KIRREL3: variants seen among roughly 807,000 people sequenced by gnomAD.
KIRREL3 encodes the protein kirre like nephrin family adhesion molecule 3.
In KIRREL3, 36 loss-of-function variants were observed where a neutral mutation model predicts 89.7. The observed-to-expected ratio is 0.40, with a 90% CI of 0.31 to 0.53. KIRREL3 has a LOEUF of 0.53. KIRREL3 is among the 20% of genes least tolerant of loss of function. KIRREL3 has a pLI of 0.49. For synonymous variants in KIRREL3, 445 were observed against 441.4 expected (o/e 1.01, Z -0.10); for missense variants, 864 against 1,056.6 (o/e 0.82, Z 2.53).
In KIRREL3 at chr11:126,558,843, T is replaced by TG. The variant is rs1397852525; in HGVS notation, c.133+3991dup. Among the ~76,000 whole-genome samples the TG allele has an allele frequency of 6.6e-6, 1 of 152,156 alleles. No individual in the cohort carries two copies. The highest frequency in any genetic ancestry group is 2.4e-5 in the African/African-American group (1 of 41,444). On this transcript the variant is annotated intron_variant, in intron 2 of 16. Transcript: ENST00000525144. This position sits in a 1 kb window ranked among gnomAD's most constrained non-coding sequence, Gnocchi z 4.0. The stretch of plus-strand genomic sequence containing the variant: ...GTGTGTGCACACATGTGGGTGTATG[T>TG]GTGCATGTGTATACATGTGTGCAGG...
chr11:126,935,457 C>A (rs1257033618), intron 1 of KIRREL3: 1 of 152,126 alleles, frequency 6.6e-6, no homozygotes, highest in Non-Finnish European at 1.5e-5. Flanking sequence ...TCACGGTTGC[C>A]AACACTTGGA....
intron 1 of KIRREL3, among the ~76,000 whole-genome samples, chr11:126,866,694 A>G (rs577698803): frequency 6.6e-6 from 1 of 151,738 alleles, no homozygotes; most frequent in South Asian, 2.1e-4. Context: ...CCGAGACCCT[A>G]GCAGGGAGGA....
chr11:126,631,958 T>C (rs899324768), intron 1 of KIRREL3, among the ~76,000 whole-genome samples: 1 of 152,162 alleles, frequency 6.6e-6, no homozygotes, highest in African/African-American at 2.4e-5. Flanking sequence ...AAGGATGGCT[T>C]CCTAGACTCT....
chr11:126,772,100 G>A lies in KIRREL3; in HGVS notation c.56-209188C>T, dbSNP rs559038384. 9.2e-5 allele frequency among the ~76,000 whole-genome samples: 14 copies of A among 152,344 alleles called. No homozygotes were observed. Among genetic ancestry groups the A allele is most frequent in the African/African-American group, 3.4e-4 (14 of 41,592 alleles). On this transcript the variant is annotated intron_variant, in intron 1 of 16. Transcript: ENST00000525144. This position sits in a 1 kb window ranked among gnomAD's most constrained non-coding sequence, Gnocchi z 4.6. ...GTGCCAGCTCATTCTCAGGGCAGAA[G>A]AACCAGTGTAGTCTCTCACTAATGT...
chr11:126,431,118 CCCT>C lies in KIRREL3; in HGVS notation c.1696+298_1696+300del. The C allele has an allele frequency of 7.1e-7, 1 of 1,411,616 alleles. No homozygotes were observed. Among genetic ancestry groups the C allele is most frequent in the East Asian group, 2.6e-5 (1 of 39,188 alleles). The allele number at this position is 1,411,616 out of a possible 1,614,324, so 87.4% of individuals were successfully genotyped here. ...GGATCAAACCACAAACCGCTTTTCCCCCTATCTTTCTGTACAGTTCCTGACTGA... is the reference window on the plus strand; with the variant it reads ...GGATCAAACCACAAACCGCTTTTCCCATCTTTCTGTACAGTTCCTGACTGA... On this transcript the variant is annotated intron_variant, in intron 14 of 16. Transcript: ENST00000525144. This position sits in a 1 kb window ranked among gnomAD's most constrained non-coding sequence, Gnocchi z 7.1.
intron 5 of KIRREL3, among the ~76,000 whole-genome samples, chr11:126,465,667 C>T (rs537698796): frequency 1.3e-4 from 20 of 152,302 alleles, no homozygotes; most frequent in African/African-American, 4.8e-4. Context: ...AGCTGCAGGC[C>T]TGGGACTCAG....
chr11:126,849,628 G>A (rs1043668614), intron 1 of KIRREL3, among the ~76,000 whole-genome samples: 1 of 152,152 alleles, frequency 6.6e-6, no homozygotes, highest in Non-Finnish European at 1.5e-5. Flanking sequence ...GAAGGAGAAA[G>A]GCTTGGGCAA....
At chr11:126,878,776 T>C (rs1201819575) in intron 1 of KIRREL3, among the ~76,000 whole-genome samples, 1 of 152,152 alleles carries the variant, frequency 6.6e-6, no homozygotes, top group Non-Finnish European at 1.5e-5. Flanking sequence ...ACACATTCTG[T>C]TTTTGGATAG....
chr11:126,697,582 C>T lies in KIRREL3; in HGVS notation c.56-134670G>A, dbSNP rs1441169743. 6.6e-6 allele frequency among the ~76,000 whole-genome samples: 1 copy of T among 152,150 alleles called. No homozygotes were observed. The highest frequency in any genetic ancestry group is 1.5e-5 in the Non-Finnish European group (1 of 68,038). On this transcript the variant is annotated intron_variant, in intron 1 of 16. Transcript: ENST00000525144. This position sits in a 1 kb window ranked among gnomAD's most constrained non-coding sequence, Gnocchi z 4.2. Reference sequence around the variant, plus strand: ...ACATGAATAGTGATTAGAGATGAGGCCCCAGGACCTATAGCTTTAGATCCA... The same window carrying T: ...ACATGAATAGTGATTAGAGATGAGGTCCCAGGACCTATAGCTTTAGATCCA...
Position 126,568,914 on chromosome 11 carries a change from T to C in KIRREL3, c.56-6002A>G, listed in dbSNP as rs550732596. 1.5e-4 allele frequency among the ~76,000 whole-genome samples: 23 copies of C among 152,138 alleles called. No homozygotes were observed. The highest frequency in any genetic ancestry group is 2.6e-4 in the Non-Finnish European group (18 of 68,000). ...CAGGGTGATATAATGAGCTATTAGG[T>C]TGCATACTTCCCAGGTTAGCACGTA... On this transcript the variant is annotated intron_variant, in intron 1 of 16. Coordinates refer to ENST00000525144, the MANE Select transcript of KIRREL3 (RefSeq NM_032531.4). This position sits in a 1 kb window ranked among gnomAD's most constrained non-coding sequence, Gnocchi z 4.6.
rs140752839 is a variant in KIRREL3 at position 126,785,100 on chromosome 11, T to C, written c.55+215355A>G. ...GAAGATGAAGTAGGGGAGAATCTTATACTAAACTCTACTGAATCCTCGTGG... is the reference window on the plus strand; with the variant it reads ...GAAGATGAAGTAGGGGAGAATCTTACACTAAACTCTACTGAATCCTCGTGG... On this transcript the variant is annotated intron_variant, in intron 1 of 16. Coordinates refer to ENST00000525144, the MANE Select transcript of KIRREL3 (RefSeq NM_032531.4). Among the ~76,000 whole-genome samples, 273 of 152,262 alleles carry C rather than the reference T, an allele frequency of 1.8e-3. 1 individual carries two copies. The highest frequency in any genetic ancestry group is 6.3e-3 in the African/African-American group (261 of 41,566).
intron 1 of KIRREL3, among the ~76,000 whole-genome samples, chr11:126,720,125 G>A (rs904451343): frequency 6.6e-6 from 1 of 152,118 alleles, no homozygotes; most frequent in African/African-American, 2.4e-5. Context: ...TTTCTTCATT[G>A]AACTTATTGC....
chr11:126,955,366 A>C lies in KIRREL3; in HGVS notation c.55+45089T>G, dbSNP rs945121159. Among the ~76,000 whole-genome samples, 2 of 152,148 alleles carry C rather than the reference A, an allele frequency of 1.3e-5. No homozygotes were observed. Among genetic ancestry groups the C allele is most frequent in the African/African-American group, 4.8e-5 (2 of 41,432 alleles). ...TTTTAATTAATACACTGGGCTCCCT[A>C]ACAAAGGGGAGGAGGTTGGAGAGCA... is the stretch of plus-strand genomic sequence containing the variant. On this transcript the variant is annotated intron_variant, in intron 1 of 16. Transcript: ENST00000525144. This position sits in a 1 kb window ranked among gnomAD's most constrained non-coding sequence, Gnocchi z 4.6.
intron 1 of KIRREL3, among the ~76,000 whole-genome samples, chr11:126,889,338 G>C (rs1025002173): frequency 6.6e-6 from 1 of 151,758 alleles, no homozygotes; most frequent in Non-Finnish European, 1.5e-5. Context: ...GAACCTTTTG[G>C]CTGGCTTCTT....
intron 1 of KIRREL3, among the ~76,000 whole-genome samples, chr11:126,968,220 T>G (rs552549667): frequency 1.2e-4 from 19 of 152,118 alleles, no homozygotes; most frequent in Non-Finnish European, 2.5e-4. Flanking sequence ...TGCTTCTGTA[T>G]TTTTTTTAAT....
At chr11:126,731,523 C>T (rs1185783515) in intron 1 of KIRREL3, among the ~76,000 whole-genome samples, 1 of 152,228 alleles carries the variant, frequency 6.6e-6, no homozygotes, top group Non-Finnish European at 1.5e-5. Flanking sequence ...CTTGAGGTCA[C>T]AGATGTGATT....
rs1344788495 is a variant in KIRREL3, at chr11:126,782,364, T to G, written c.55+218091A>C. On this transcript the variant is annotated intron_variant, in intron 1 of 16. Coordinates refer to ENST00000525144, the MANE Select transcript of KIRREL3 (RefSeq NM_032531.4). This position sits in a 1 kb window ranked among gnomAD's most constrained non-coding sequence, Gnocchi z 4.1. The stretch of plus-strand genomic sequence containing the variant: ...GCAGCTTTGCCTGGCTTATTCAGAC[T>G]AATACAAAGATATAACTAACTGATA... Among the ~76,000 whole-genome samples, 1 of 152,232 alleles carries G rather than the reference T, an allele frequency of 6.6e-6. No individual in the cohort carries two copies. Among genetic ancestry groups the G allele is most frequent in the Non-Finnish European group, 1.5e-5 (1 of 68,044 alleles).
rs1958759600 is a variant in KIRREL3 at position 126,526,524 on chromosome 11, C to G, written c.283+14G>C. The G allele has an allele frequency of 1.2e-6, 2 of 1,608,918 alleles. No homozygotes were observed. Among genetic ancestry groups the G allele is most frequent in the Non-Finnish European group, 1.7e-6 (2 of 1,176,470 alleles). On this transcript the variant is annotated intron_variant, in intron 3 of 16. Transcript: ENST00000525144. The surrounding 1 kb of genome is among the most constrained non-coding windows in gnomAD (Gnocchi z 5.7). ...TGGCCCCAGGCCCACCCCAGGAGGT[C>G]TGGAGGTACTCACTTGAGAGGTCCC...
chr11:126,655,640 G>A lies in KIRREL3; in HGVS notation c.56-92728C>T, dbSNP rs953669762. Among the ~76,000 whole-genome samples the A allele has an allele frequency of 6.6e-6, 1 of 152,144 alleles. No homozygotes were observed. The highest frequency in any genetic ancestry group is 1.5e-5 in the Non-Finnish European group (1 of 68,026). On this transcript the variant is annotated intron_variant, in intron 1 of 16. Transcript: ENST00000525144. This position sits in a 1 kb window ranked among gnomAD's most constrained non-coding sequence, Gnocchi z 5.0. ...GTTTTCACAACGCAGTTGTCATCTC[G>A]GGAGCAGTGTGTGCCCGTCCACCCT...
Sources: allele counts gnomAD v4.1 joint callset (sites outside exome capture counted in the v4.1 genomes callset), GRCh38; gene constraint gnomAD v4.1.1; non-coding constraint Gnocchi (gnomAD v3.1); transcripts MANE v1.5; gene names NCBI Gene and HGNC (gene_info 2026-07-23, HGNC 2026-07-21).